Variants in UBE2E2 observed in about 807,000 individuals in gnomAD.
UBE2E2 encodes the protein ubiquitin conjugating enzyme E2 E2.
In UBE2E2, 6 loss-of-function variants were observed where a neutral mutation model predicts 24.7. The observed-to-expected ratio is 0.24, with a 90% CI of 0.13 to 0.48. The LOEUF (loss-of-function observed/expected upper bound fraction) is 0.48. UBE2E2 is among the 20% of genes least tolerant of loss of function. The pLI is 0.99. For synonymous variants in UBE2E2, 104 were observed against 83.6 expected (o/e 1.24, Z -1.33); for missense variants, 169 against 245.0 (o/e 0.69, Z 2.07).
At chr3:23,349,911 G>C (rs1370054730) in intron 3 of UBE2E2, among the ~76,000 whole-genome samples, 1 of 152,244 alleles carries the variant, frequency 6.6e-6, no homozygotes, top group Non-Finnish European at 1.5e-5. Context: ...CTGGAGATCT[G>C]AGAACGGGCA....
chr3:23,584,328 A>G (rs541337557), intron 5 of UBE2E2, among the ~76,000 whole-genome samples: 50 of 152,026 alleles, frequency 3.3e-4, no homozygotes, highest in African/African-American at 1.2e-3. Flanking sequence ...TATTTTGTTG[A>G]GGATTTTTGC....
chr3:23,207,800 G>T (rs9848077), intron 1 of UBE2E2, among the ~76,000 whole-genome samples: 95,479 of 152,030 alleles, frequency 0.63, 30,402 homozygotes, highest in African/African-American at 0.69. Flanking sequence ...AATCATTTTT[G>T]TCTTATTTTC....
chr3:23,274,647 A>G (rs1302515305), intron 3 of UBE2E2, among the ~76,000 whole-genome samples: 2 of 152,098 alleles, frequency 1.3e-5, no homozygotes, highest in African/African-American at 4.8e-5. Flanking sequence ...GATTACAGGT[A>G]TGAGCCATCG....
rs543267304 is a variant in UBE2E2 at position 23,569,986 on chromosome 3, C to T, written c.509-19748C>T. On this transcript the variant is annotated intron_variant, in intron 5 of 5. Transcript: ENST00000396703. Reference sequence around the variant, plus strand: ...GTTTTGTGGAATCTTGCTTTTCTATCCCTTAACAATATCTAGCAGATCTTT... The same window carrying T: ...GTTTTGTGGAATCTTGCTTTTCTATTCCTTAACAATATCTAGCAGATCTTT... Among the ~76,000 whole-genome samples the T allele has an allele frequency of 3.2e-4, 49 of 152,224 alleles. 1 individual carries two copies. Among genetic ancestry groups the T allele is most frequent in the African/African-American group, 1.2e-3 (48 of 41,538 alleles).
At chr3:23,571,989 A>G (rs1309660646) in intron 5 of UBE2E2, among the ~76,000 whole-genome samples, 1 of 152,156 alleles carries the variant, frequency 6.6e-6, no homozygotes, top group African/African-American at 2.4e-5. Flanking sequence ...TTATCTTAAT[A>G]AGTCCTGAGG....
Position 23,248,012 on chromosome 3 carries a change from C to T in UBE2E2, c.227+30700C>T, listed in dbSNP as rs148186046. On this transcript the variant is annotated intron_variant, in intron 3 of 5. Coordinates refer to ENST00000396703, the MANE Select transcript of UBE2E2 (RefSeq NM_152653.4). ...GCATAAAGCTTTAGAAAGTCCGTTGCGTATACCAAGCCAAGTGCATTTTTG... is the reference window on the plus strand; with the variant it reads ...GCATAAAGCTTTAGAAAGTCCGTTGTGTATACCAAGCCAAGTGCATTTTTG... Among the ~76,000 whole-genome samples, 14 of 152,318 alleles carry T rather than the reference C, an allele frequency of 9.2e-5. No homozygotes were observed. In the East Asian group the frequency reaches 2.7e-3, roughly 29 times the overall value.
At chr3:23,367,433 A>G (rs1015510922) in intron 3 of UBE2E2, among the ~76,000 whole-genome samples, 1 of 152,068 alleles carries the variant, frequency 6.6e-6, no homozygotes, top group Non-Finnish European at 1.5e-5. Context: ...TTGATCACCA[A>G]TGGCCAGTGG....
chr3:23,503,090 CAT>C (rs1297838817), intron 4 of UBE2E2, among the ~76,000 whole-genome samples: 2 of 151,310 alleles, frequency 1.3e-5, no homozygotes, highest in South Asian at 2.1e-4. Context: ...TCAGTGTAGA[CAT>C]ATGTTTTAAT....
intron 3 of UBE2E2, among the ~76,000 whole-genome samples, chr3:23,286,575 A>C (rs569862744): frequency 1.3e-5 from 2 of 152,178 alleles, no homozygotes; most frequent in African/African-American, 2.4e-5. Flanking sequence ...ATTTGAAGTC[A>C]GGTAATATGA....
At chr3:23,520,323 C>T (rs1184872307) in intron 4 of UBE2E2, among the ~76,000 whole-genome samples, 1 of 152,106 alleles carries the variant, frequency 6.6e-6, no homozygotes, top group Non-Finnish European at 1.5e-5. Context: ...ATGCAAGTCA[C>T]CTAGGACAGT....
intron 5 of UBE2E2, among the ~76,000 whole-genome samples, chr3:23,542,714 G>T (rs1040107652): frequency 6.6e-6 from 1 of 151,932 alleles, no homozygotes; most frequent in Non-Finnish European, 1.5e-5. Flanking sequence ...TTAAAAATCA[G>T]TCGTCTTTTC....
intron 4 of UBE2E2, among the ~76,000 whole-genome samples, chr3:23,511,698 T>C (rs79449952): frequency 9.9e-5 from 15 of 152,206 alleles, no homozygotes; most frequent in African/African-American, 3.4e-4. Context: ...ACAAAGCTGA[T>C]ATTTTCTCTT....
intron 3 of UBE2E2, among the ~76,000 whole-genome samples, chr3:23,479,829 G>A (rs1699218433): frequency 1.3e-5 from 2 of 152,180 alleles, no homozygotes. Context: ...GAGTGTGTAA[G>A]TCTGGCTGAG....
At chr3:23,422,781 T>G (rs1697832865) in intron 3 of UBE2E2, among the ~76,000 whole-genome samples, 1 of 152,244 alleles carries the variant, frequency 6.6e-6, no homozygotes, top group Admixed American at 6.5e-5. Context: ...GAAATTCTTC[T>G]GTTCCTGGAA....
chr3:23,237,242 C>T (rs1272787200), intron 3 of UBE2E2, among the ~76,000 whole-genome samples: 1 of 152,104 alleles, frequency 6.6e-6, no homozygotes, highest in Non-Finnish European at 1.5e-5. Context: ...ATAAGGCTTG[C>T]GTGCATTTCT....
intron 2 of UBE2E2, among the ~76,000 whole-genome samples, chr3:23,215,013 T>G (rs1234388599): frequency 6.6e-6 from 1 of 152,174 alleles, no homozygotes; most frequent in East Asian, 1.9e-4. Context: ...TACCTATTCT[T>G]CCTTTCTTTT....
chr3:23,212,105 TTAA>T (rs1241559949), intron 2 of UBE2E2, among the ~76,000 whole-genome samples: 5 of 152,220 alleles, frequency 3.3e-5, no homozygotes, highest in African/African-American at 9.6e-5. Flanking sequence ...AATTATAGAA[TTAA>T]TAAGCTGGTA....
intron 3 of UBE2E2, among the ~76,000 whole-genome samples, chr3:23,287,967 CTTTGGG>C (rs1334430381): frequency 6.6e-6 from 1 of 151,810 alleles, no homozygotes; most frequent in East Asian, 2.0e-4. Flanking sequence ...CTTCTACTGA[CTTTGGG>C]TTTGGTTTGC....
intron 5 of UBE2E2, among the ~76,000 whole-genome samples, chr3:23,552,144 T>C (rs1471431862): frequency 6.6e-6 from 1 of 152,004 alleles, no homozygotes; most frequent in Non-Finnish European, 1.5e-5. Flanking sequence ...AGCCACCCAG[T>C]CTATGGTTTG....
Sources: allele counts gnomAD v4.1 joint callset (sites outside exome capture counted in the v4.1 genomes callset), GRCh38; gene constraint gnomAD v4.1.1; transcripts MANE v1.5; gene names NCBI Gene and HGNC (gene_info 2026-07-23, HGNC 2026-07-21).